Variants in PLXNA4 observed in about 807,000 individuals in gnomAD.
PLXNA4 encodes the protein plexin-A4.
In PLXNA4, 44 loss-of-function variants were observed where a neutral mutation model predicts 191.8. That is an observed-to-expected ratio of 0.23 (90% confidence interval 0.18 to 0.29). The LOEUF (loss-of-function observed/expected upper bound fraction) is 0.29, where lower values mean the gene tolerates loss of function less well. PLXNA4 is among the 10% of genes least tolerant of loss of function. The pLI is 1.00. For synonymous variants in PLXNA4, 1,082 were observed against 1,009.5 expected (o/e 1.07, Z -1.36); for missense variants, 1,800 against 2,488.8 (o/e 0.72, Z 5.89).
In PLXNA4 at chr7:132,148,550, T is replaced by C. The variant is rs1780818671; in HGVS notation, c.4757A>G (p.His1586Arg). 6.2e-7 allele frequency: 1 copy of C among 1,613,960 alleles called. No individual in the cohort carries two copies. The highest frequency in any genetic ancestry group is 1.1e-5 in the South Asian group (1 of 91,060). The stretch of plus-strand genomic sequence containing the variant: ...TTTCCACATTCCCCTCACCTGGTAG[T>C]GGGCCAGTGTGTTCAGTCGCTTCCA... ...NDWKRLNTLA[H>R]YQVPDGSVVA... The change falls in exon 26 of 32, where the codon CAC (histidine) becomes CGC (arginine). Residue 1586 changes from histidine to arginine, a missense_variant. His to Arg is a conservative substitution (Grantham distance 29, BLOSUM62 0). This residue lies in a region of PLXNA4 where 214 missense variants were observed against 298.2 expected (regional missense o/e 0.72). Transcript: ENST00000321063.
Position 132,508,153 on chromosome 7 carries a change from C to T in PLXNA4, c.541G>A (p.Asp181Asn). Reference sequence around the variant, plus strand: ...ACTGCCGTGGCAATGAACAGCTTGTCATCCAGGTTGCTGTAGGAGACGATC... The same window carrying T: ...ACTGCCGTGGCAATGAACAGCTTGTTATCCAGGTTGCTGTAGGAGACGATC... ...GVIVSYSNLD[D>N]KLFIATAVDG... The change falls in exon 2 of 32, where the codon GAC (aspartate) becomes AAC (asparagine). Residue 181 changes from aspartate (D) to asparagine (N), a missense_variant. Coordinates refer to ENST00000321063, the MANE Select transcript of PLXNA4 (RefSeq NM_020911.2). This position sits in a 1 kb window ranked among gnomAD's most constrained non-coding sequence, Gnocchi z 4.4. 1 of 1,614,206 alleles carries T rather than the reference C, an allele frequency of 6.2e-7. No homozygotes were observed. The highest frequency in any genetic ancestry group is 1.1e-5 in the South Asian group (1 of 91,090).
intron 11 of PLXNA4, 39 bp downstream of exon 11, chr7:132,203,284 T>A (rs1418681518): frequency 2.2e-4 from 316 of 1,426,282 alleles, no homozygotes; most frequent in Non-Finnish European, 2.8e-4. Flanking sequence ...ACCCCATCCC[T>A]TCCCCTCCCT....
intron 3 of PLXNA4, among the ~76,000 whole-genome samples, chr7:132,489,057 T>C (rs916024200): frequency 1.1e-4 from 17 of 152,208 alleles, no homozygotes; most frequent in Non-Finnish European, 2.2e-4. Context: ...ACACCTCTCA[T>C]GTGCACACCA....
intron 3 of PLXNA4, among the ~76,000 whole-genome samples, chr7:132,408,276 G>A (rs1419318135): frequency 5.3e-5 from 8 of 152,000 alleles, no homozygotes; most frequent in African/African-American, 1.7e-4. Flanking sequence ...GAGACATAGA[G>A]TATAATCTTA....
At chr7:132,592,454 G>T (rs924377301) in intron 2 of PLXNA4, among the ~76,000 whole-genome samples, 1 of 151,356 alleles carries the variant, frequency 6.6e-6, no homozygotes, top group Non-Finnish European at 1.5e-5. Flanking sequence ...TCTGAGGCCC[G>T]TCTGCATTAT....
intron 2 of PLXNA4, among the ~76,000 whole-genome samples, chr7:132,615,271 C>G (rs1277202433): frequency 1.3e-5 from 2 of 152,066 alleles, no homozygotes; most frequent in Non-Finnish European, 2.9e-5. Context: ...GTGATGATGT[C>G]CTTCACAGAG....
At chr7:132,339,907 T>C (rs1802960054) in intron 3 of PLXNA4, among the ~76,000 whole-genome samples, 1 of 152,170 alleles carries the variant, frequency 6.6e-6, no homozygotes, top group African/African-American at 2.4e-5. Flanking sequence ...GCACAGAAGC[T>C]GAACCTAATA....
chr7:132,200,450 A>T (rs190981600), intron 12 of PLXNA4, among the ~76,000 whole-genome samples: 3 of 152,284 alleles, frequency 2.0e-5, no homozygotes, highest in Non-Finnish European at 4.4e-5. Flanking sequence ...CTGTCCTCCT[A>T]TTCCAGATCA....
rs1795387523 is a variant in PLXNA4 at position 132,145,300 on chromosome 7, G to A, written c.5056-12C>T. ...TTCTGCAGTGTGCCCTGGAGAGGCA[G>A]GATACGTCCAGACACAGCTCGACTC... On this transcript the variant is annotated splice_polypyrimidine_tract_variant and intron_variant, in intron 28 of 31. Coordinates refer to ENST00000321063, the MANE Select transcript of PLXNA4 (RefSeq NM_020911.2). 2.5e-6 allele frequency: 4 copies of A among 1,614,004 alleles called. No homozygotes were observed. In the East Asian group the frequency reaches 6.7e-5, roughly 27 times the overall value.
At chr7:132,130,637 G>A (rs762752717) in intron 31 of PLXNA4, 63 bp from the exon 32 acceptor site, 38 of 1,610,344 alleles carry the variant, frequency 2.4e-5, no homozygotes, top group Non-Finnish European at 3.1e-5. Flanking sequence ...GTTCTCAGGA[G>A]GCACAAAGAT....
intron 2 of PLXNA4, among the ~76,000 whole-genome samples, chr7:132,594,489 G>A (rs1457101167): frequency 6.6e-6 from 1 of 152,168 alleles, no homozygotes; most frequent in Non-Finnish European, 1.5e-5. Context: ...AAACTAATGG[G>A]CTCGTTTTCT....
chr7:132,378,911 G>A (rs1436697281), intron 3 of PLXNA4, among the ~76,000 whole-genome samples: 1 of 149,846 alleles, frequency 6.7e-6, no homozygotes, highest in Non-Finnish European at 1.5e-5. Flanking sequence ...GAGTGCAATG[G>A]CGCGATCTTG....
At position 132,127,897 on chromosome 7, in the gene PLXNA4, TCA is replaced by T. The variant is rs1794815763; in HGVS notation, c.*2580_*2581del. The stretch of plus-strand genomic sequence containing the variant: ...ACCGCCAAAGTAACAATAACAATAA[TCA>T]TCATCCAGTAAAAAATAAAAGCTTC... On this transcript the variant is annotated 3_prime_UTR_variant, in exon 32 of 32. Transcript: ENST00000321063. The T allele has an allele frequency of 1.9e-4, 1 of 5,366 alleles. No individual in the cohort carries two copies. Among genetic ancestry groups the T allele is most frequent in the African/African-American group, 2.8e-4 (1 of 3,614 alleles). 0.3% of individuals were successfully genotyped at this position (5,366 alleles called of 1,614,324 possible).
Position 132,298,086 on chromosome 7 carries a change from C to T in PLXNA4, c.1503+5G>A. 6.2e-7 allele frequency: 1 copy of T among 1,614,188 alleles called. No homozygotes were observed. Among genetic ancestry groups the T allele is most frequent in the South Asian group, 1.1e-5 (1 of 91,086 alleles). On this transcript the variant is annotated splice_donor_5th_base_variant and intron_variant, in intron 4 of 31. Coordinates refer to ENST00000321063, the MANE Select transcript of PLXNA4 (RefSeq NM_020911.2). ...AAATGTCTAGCGGAGCCCGAAGAGC[C>T]TTACCTGCCTCTCTGACATGATGTA...
At chr7:132,433,312 C>T (rs909871743) in intron 3 of PLXNA4, among the ~76,000 whole-genome samples, 1 of 152,190 alleles carries the variant, frequency 6.6e-6, no homozygotes, top group Middle Eastern at 3.2e-3. Context: ...ATACCAAAAA[C>T]ATGCTTTGGG....
intron 2 of PLXNA4, among the ~76,000 whole-genome samples, chr7:132,630,063 G>A (rs1019715315): frequency 6.6e-6 from 1 of 152,112 alleles, no homozygotes; most frequent in Non-Finnish European, 1.5e-5. Flanking sequence ...TGTTAGCCAG[G>A]ATGGTCTCAA....
chr7:132,274,206 G>T (rs938276863), intron 4 of PLXNA4, among the ~76,000 whole-genome samples: 1 of 151,878 alleles, frequency 6.6e-6, no homozygotes, highest in East Asian at 1.9e-4. Flanking sequence ...GGTCATAAAA[G>T]AATTGTGGAG....
chr7:132,584,842 C>T (rs372061643), intron 2 of PLXNA4, among the ~76,000 whole-genome samples: 8 of 151,934 alleles, frequency 5.3e-5, no homozygotes, highest in African/African-American at 1.9e-4. Context: ...TGAAAATGAA[C>T]AAAAAAAACT....
At chr7:132,563,444 C>T (rs1407573367) in intron 1 of PLXNA4, among the ~76,000 whole-genome samples, 3 of 104,996 alleles carry the variant, frequency 2.9e-5, no homozygotes, top group South Asian at 8.7e-4. Flanking sequence ...TCCTCCTCTT[C>T]CTCCTCCTCC....
Sources: gnomAD v4.1 joint callset for allele counts (sites outside exome capture counted in the v4.1 genomes callset) on GRCh38, gnomAD v4.1.1 for gene constraint, gnomAD v4.1.1 regional missense constraint, Gnocchi (gnomAD v3.1) non-coding constraint, MANE v1.5 for transcripts, NCBI Gene and HGNC (gene_info 2026-07-23, HGNC 2026-07-21) for gene names.